MAN2C1: variants seen among roughly 807,000 people sequenced by gnomAD.
MAN2C1 encodes mannosidase alpha class 2C member 1, also known as alpha-mannosidase 2C1.
MAN2C1 carries 111 observed loss-of-function variants against 126.9 expected under a neutral mutation model. The observed-to-expected ratio is 0.87, with a 90% confidence interval of 0.75 to 1.02. MAN2C1 has a LOEUF of 1.02. MAN2C1 is among the 50% of genes least tolerant of loss of function. The probability of loss-of-function intolerance (pLI) is 0.00; values close to 1 mark genes in which losing one functional copy is unlikely to be tolerated. For missense variants in MAN2C1, 1,363 were observed against 1,364.4 expected (o/e 1.00, Z 0.02); for synonymous variants, 567 against 561.5 (o/e 1.01, Z -0.14).
rs2072598796 is a variant in MAN2C1, at chr15:75,367,498, C to A, written c.351+13G>T. 6 of 1,613,280 alleles carry A rather than the reference C, an allele frequency of 3.7e-6. No individual in the cohort carries two copies. Among genetic ancestry groups the A allele is most frequent in the Non-Finnish European group, 5.1e-6 (6 of 1,179,496 alleles). The stretch of plus-strand genomic sequence containing the variant: ...AATGTGGCCATACCTGGCCCTAGGA[C>A]AGGGTTCCTCACCTGGACAGGTTCT... On this transcript the variant is annotated intron_variant, in intron 3 of 25. Transcript: ENST00000267978.
chr15:75,358,366 G>A (rs1167657149), intron 20 of MAN2C1, 22 bp from the exon 21 acceptor site: 2 of 1,613,972 alleles, frequency 1.2e-6, no homozygotes, highest in Non-Finnish European at 1.7e-6. Context: ...AAGGAGGGTG[G>A]GAGTCAGGGA....
In MAN2C1 at chr15:75,355,843, C is replaced by T; in HGVS notation, c.*63G>A. 6.3e-7 allele frequency: 1 copy of T among 1,589,990 alleles called. No individual in the cohort carries two copies. Among genetic ancestry groups the T allele is most frequent in the Non-Finnish European group, 8.6e-7 (1 of 1,163,816 alleles). On this transcript the variant is annotated 3_prime_UTR_variant, in exon 26 of 26. Transcript: ENST00000267978. The stretch of plus-strand genomic sequence containing the variant: ...AGAAAAGACTGATCCCTGCTTTAGG[C>T]TGGGGAAGCAGAAATTAGGAGTCCC...
At position 75,361,921 on chromosome 15, in the gene MAN2C1, G is replaced by A. The variant is rs1203588184; in HGVS notation, c.1035C>T (p.Ala345=). The A allele has an allele frequency of 1.2e-6, 2 of 1,613,914 alleles. No homozygotes were observed. The highest frequency in any genetic ancestry group is 1.7e-6 in the Non-Finnish European group (2 of 1,180,000). The change falls in exon 9 of 26, where the codon GCC becomes GCT. Residue 345 remains alanine (A), a synonymous_variant. Coordinates refer to ENST00000267978, the MANE Select transcript of MAN2C1 (RefSeq NM_006715.4). This position sits in a 1 kb window ranked among gnomAD's most constrained non-coding sequence, Gnocchi z 5.0. ...EMDGNLPSGE[A]MVRQFLQGQN... is the part of the protein sequence containing the mutation. ...GGCCCTGCAAAAACTGCCTCACCAT[G>A]GCCTCTCCACTGGGCAGGTTCCCAT... is the stretch of plus-strand genomic sequence containing the variant.
In MAN2C1 at chr15:75,359,710, C is replaced by A. The variant is rs1055629158; in HGVS notation, c.1858G>T (p.Gly620Cys). The stretch of plus-strand genomic sequence containing the variant: ...TTGACGATGAGGAGGCCCTCAGGAC[C>A]TGGCTCCCCAGCACACAGGGCTGCG... ...AAAALCAGEP[G>C]PEGLLIVNTL... Residue 620 changes from glycine (G) to cysteine (C), a missense_variant, in exon 16 of 26, where the codon GGT becomes TGT. Gly to Cys is a radical substitution (Grantham distance 159, BLOSUM62 -3). This residue lies in a region of MAN2C1 where 668 missense variants were observed against 650.1 expected (regional missense o/e 1.03). Transcript: ENST00000267978. The A allele has an allele frequency of 1.2e-6, 2 of 1,614,060 alleles. No individual in the cohort carries two copies. The highest frequency in any genetic ancestry group is 1.7e-6 in the Non-Finnish European group (2 of 1,180,046).
In MAN2C1 at chr15:75,358,879, G is replaced by T. The variant is rs575882296; in HGVS notation, c.2142-71C>A. ...GTCTCCAGCTGCTCTTGGTGGGGTA[G>T]GGTGGAGTGAGTAGACCCAGTGGAC... On this transcript the variant is annotated intron_variant, in intron 18 of 25. Transcript: ENST00000267978. 1.1e-4 allele frequency: 149 copies of T among 1,416,032 alleles called. No homozygotes were observed. The East Asian group carries it at 2.8e-3, about 27-fold the overall frequency. 87.7% of individuals were successfully genotyped at this position (1,416,032 alleles called of 1,614,324 possible). A position where few individuals can be genotyped will look rare whatever the true frequency, so the allele number is the denominator to read the frequency against.
rs969353659 is a variant in MAN2C1 at position 75,357,617 on chromosome 15, A to ATT, written c.2547+582_2547+583dup. ...AACACTGCGCCTGGCCAATTTTTGT[A>ATT]TTTTTTTTTTTTTTTTTTTTGAGAC... is the stretch of plus-strand genomic sequence containing the variant. On this transcript the variant is annotated intron_variant, in intron 21 of 25. Coordinates refer to ENST00000267978, the MANE Select transcript of MAN2C1 (RefSeq NM_006715.4). The ATT allele has an allele frequency of 4.7e-3, 485 of 103,502 alleles. 10 individuals are homozygous for ATT. Among genetic ancestry groups the ATT allele is most frequent in the African/African-American group, 0.016 (424 of 26,694 alleles). The allele number at this position is 103,502 out of a possible 1,614,324, so 6.4% of individuals were successfully genotyped here.
rs577218575 is a variant in MAN2C1 at position 75,359,634 on chromosome 15, C to T, written c.1934G>A (p.Gly645Glu). The change falls in exon 16 of 26, where the codon GGG (glycine) becomes GAG (glutamate). Residue 645 changes from glycine to glutamate, a missense_variant. Gly to Glu is a moderately conservative substitution (Grantham distance 98). This residue lies in a region of MAN2C1 where 668 missense variants were observed against 650.1 expected (regional missense o/e 1.03). Coordinates refer to ENST00000267978, the MANE Select transcript of MAN2C1 (RefSeq NM_006715.4). ...IEVMALPKPG[G>E]AHSLALVTVP... ...TCAGCTCGTACCTAGGCTGTGGGCC[C>T]CGCCCGGTTTGGGCAGGGCCATCAC... 10 of 1,614,056 alleles carry T rather than the reference C, an allele frequency of 6.2e-6. 2 individuals are homozygous for T. The Admixed American group carries it at 1.7e-4, about 27-fold the overall frequency.
chr15:75,357,175 A>C, intron 21 of MAN2C1: 2 of 405,678 alleles, frequency 4.9e-6, no homozygotes, highest in Non-Finnish European at 9.0e-6. Flanking sequence ...ACAGGATCTC[A>C]GTCTGTCACC....
intron 12 of MAN2C1, 61 bp downstream of exon 12, chr15:75,360,985 A>G: frequency 6.4e-7 from 1 of 1,553,796 alleles, no homozygotes; most frequent in East Asian, 2.4e-5. Flanking sequence ...GTCTGAGGGA[A>G]GGCAGGGCTC....
chr15:75,365,178 C>A lies in MAN2C1; in HGVS notation c.423-513G>T, dbSNP rs777180654. 1.6e-4 allele frequency among the ~76,000 whole-genome samples: 24 copies of A among 152,282 alleles called. 1 individual carries two copies. The highest frequency in any genetic ancestry group is 3.4e-3 in the Middle Eastern group (1 of 294). On this transcript the variant is annotated intron_variant, in intron 4 of 25. Transcript: ENST00000267978. ...TTCGCTGCTAAGTCTAGAGCAAATTCCTCAGTGGAGTACCCAGGATTTCCT... is the reference window on the plus strand; with the variant it reads ...TTCGCTGCTAAGTCTAGAGCAAATTACTCAGTGGAGTACCCAGGATTTCCT...
intron 17 of MAN2C1, 65 bp from the exon 18 acceptor site, chr15:75,359,218 C>A: frequency 1.3e-6 from 2 of 1,595,548 alleles, no homozygotes; most frequent in East Asian, 2.3e-5. Context: ...TCTTCCCACC[C>A]CAACCCCAGC....
chr15:75,357,779 C>T (rs962620427), intron 21 of MAN2C1: 1 of 185,916 alleles, frequency 5.4e-6, no homozygotes, highest in African/African-American at 2.3e-5. Context: ...ACCACCACAC[C>T]CGGCTAAATT....
In MAN2C1 at chr15:75,356,213, T is replaced by C. The variant is rs1440357025; in HGVS notation, c.2893A>G (p.Ser965Gly). Residue 965 changes from serine to glycine, a missense_variant, in exon 25 of 26, where the codon AGC becomes GGC. Around this residue, in one of 3 missense-constraint regions of MAN2C1, gnomAD observed 668 missense variants for 650.1 expected, o/e 1.03. Coordinates refer to ENST00000267978, the MANE Select transcript of MAN2C1 (RefSeq NM_006715.4). The surrounding 1 kb of genome is among the most constrained non-coding windows in gnomAD (Gnocchi z 5.8). ...ACCAGCGAGCGGCGCTGGGGGCTGC[T>C]CTCCGCCTGCAGAGGAACACGTCTG... ...VVLETVKQAESSPQRRSLVLR... is the reference protein window; with the variant it reads ...VVLETVKQAEGSPQRRSLVLR... The C allele has an allele frequency of 6.2e-7, 1 of 1,612,850 alleles. No homozygotes were observed. The highest frequency in any genetic ancestry group is 8.5e-7 in the Non-Finnish European group (1 of 1,179,768).
intron 5 of MAN2C1, 21 bp downstream of exon 5, chr15:75,364,467 G>T: frequency 6.4e-7 from 1 of 1,555,100 alleles, no homozygotes; most frequent in Non-Finnish European, 8.7e-7. Context: ...GGTAGCAGGG[G>T]GTACAGGGGG....
rs776437752 is a variant in MAN2C1, at chr15:75,359,696, G to A, written c.1872C>T (p.Leu624=). Residue 624 remains leucine, a synonymous_variant, in exon 16 of 26, where the codon CTC becomes CTT. Coordinates refer to ENST00000267978, the MANE Select transcript of MAN2C1 (RefSeq NM_006715.4). ...TCCAGGGCAGTGTGTTGACGATGAG[G>A]AGGCCCTCAGGACCTGGCTCCCCAG... ...LCAGEPGPEG[L]LIVNTLPWKR... is the part of the protein sequence containing the mutation. 7 of 1,614,000 alleles carry A rather than the reference G, an allele frequency of 4.3e-6. No individual in the cohort carries two copies. Among genetic ancestry groups the A allele is most frequent in the Middle Eastern group, 1.6e-4 (1 of 6,084 alleles).
rs1461512655 is a variant in MAN2C1 at position 75,359,308 on chromosome 15, C to T, written c.2046+20G>A. 6.3e-7 allele frequency: 1 copy of T among 1,577,760 alleles called. No homozygotes were observed. Among genetic ancestry groups the T allele is most frequent in the Non-Finnish European group, 8.6e-7 (1 of 1,159,516 alleles). On this transcript the variant is annotated intron_variant, in intron 17 of 25. Coordinates refer to ENST00000267978, the MANE Select transcript of MAN2C1 (RefSeq NM_006715.4). ...AGTATCCCAGCACAGTTCCTGCCCC[C>T]CAGGGCATGCAGGACTCACCTCTTG...
rs973598588 is a variant in MAN2C1 at position 75,362,045 on chromosome 15, T to C, written c.1009-98A>G. On this transcript the variant is annotated intron_variant, in intron 8 of 25. Transcript: ENST00000267978. The surrounding 1 kb of genome is among the most constrained non-coding windows in gnomAD (Gnocchi z 4.5). ...CAATCCCTGCAGGAGAAGCCAGGGC[T>C]GCTCAAACATGGGAGTTACAGCCAG... The C allele has an allele frequency of 1.8e-5, 16 of 913,084 alleles. No individual in the cohort carries two copies. The highest frequency in any genetic ancestry group is 2.8e-5 in the Non-Finnish European group (16 of 562,730). 56.6% of individuals were successfully genotyped at this position (913,084 alleles called of 1,614,324 possible). A position where few individuals can be genotyped will look rare whatever the true frequency, so the allele number is the denominator to read the frequency against.
chr15:75,368,200 T>C lies in MAN2C1; in HGVS notation c.102-2A>G, dbSNP rs780110669. The C allele has an allele frequency of 1.2e-6, 2 of 1,601,830 alleles. No individual in the cohort carries two copies. The highest frequency in any genetic ancestry group is 1.7e-6 in the Non-Finnish European group (2 of 1,176,572). ...ACAGGGCAGCTGGCCCCAAAAAGCC[T>C]GCGTGGGACGGGCCGGTGGGCACAT... On this transcript the variant is annotated splice_acceptor_variant, in intron 1 of 25. Transcript: ENST00000267978. LOFTEE classifies it high-confidence loss of function.
chr15:75,360,940 A>G (rs924874455), intron 12 of MAN2C1, 106 bp downstream of exon 12: 2 of 1,410,614 alleles, frequency 1.4e-6, no homozygotes, highest in Admixed American at 4.7e-5. Flanking sequence ...TAGGATTGGG[A>G]CAGGACAAGG....
Sources: allele counts gnomAD v4.1 joint callset (sites outside exome capture counted in the v4.1 genomes callset), GRCh38; gene constraint gnomAD v4.1.1; regional missense constraint gnomAD v4.1.1; non-coding constraint Gnocchi (gnomAD v3.1); transcripts MANE v1.5; gene names NCBI Gene and HGNC (gene_info 2026-07-23, HGNC 2026-07-21).